Variants in PPM1H observed in about 807,000 individuals in gnomAD.
The protein encoded by PPM1H is protein phosphatase 1H.
PPM1H carries 27 observed loss-of-function variants against 54.9 expected under a neutral mutation model. The ratio of observed to expected loss-of-function variants is 0.49; its 90% CI spans 0.36 to 0.68. The LOEUF (loss-of-function observed/expected upper bound fraction) is 0.68, where lower values mean the gene tolerates loss of function less well. Ranked by LOEUF, PPM1H falls within the 30% of genes least tolerant of loss-of-function variation. PPM1H has a pLI of 0.00. For synonymous variants in PPM1H, 305 were observed against 270.8 expected (o/e 1.13, Z -1.24); for missense variants, 596 against 667.8 (o/e 0.89, Z 1.19).
chr12:62,752,049 G>C (rs2076445278), intron 4 of PPM1H, among the ~76,000 whole-genome samples: 1 of 152,186 alleles, frequency 6.6e-6, no homozygotes, highest in African/African-American at 2.4e-5. Flanking sequence ...AGTTGGGTTT[G>C]GGAGCTGGCT....
At chr12:62,702,526 A>C in intron 6 of PPM1H, among the ~76,000 whole-genome samples, 1 of 141,246 alleles carries the variant, frequency 7.1e-6, no homozygotes, top group African/African-American at 2.8e-5. Context: ...TTCTCTTCTA[A>C]GTCATGACCT....
chr12:62,752,393 G>T (rs2120580085), intron 4 of PPM1H, among the ~76,000 whole-genome samples: 1 of 152,248 alleles, frequency 6.6e-6, no homozygotes, highest in Non-Finnish European at 1.5e-5. Context: ...TAGGCTTTAA[G>T]AATAAAGTGG....
At chr12:62,890,663 G>T (rs1346921179) in intron 1 of PPM1H, among the ~76,000 whole-genome samples, 1 of 149,968 alleles carries the variant, frequency 6.7e-6, no homozygotes, top group Non-Finnish European at 1.5e-5. Flanking sequence ...AGTGATTAAT[G>T]GAGTCAACAC....
At chr12:62,895,498 T>C (rs533917301) in intron 1 of PPM1H, among the ~76,000 whole-genome samples, 46 of 152,260 alleles carry the variant, frequency 3.0e-4, no homozygotes, top group African/African-American at 9.9e-4. Flanking sequence ...AAGCAAATTC[T>C]ACTGCCCTAC....
At chr12:62,676,979 C>T (rs1290223507) in intron 8 of PPM1H, among the ~76,000 whole-genome samples, 1 of 152,168 alleles carries the variant, frequency 6.6e-6, no homozygotes. Context: ...TTCTGGCCCA[C>T]TCATGGCCAC....
chr12:62,789,019 C>T (rs1191664563), intron 3 of PPM1H, among the ~76,000 whole-genome samples: 3 of 150,394 alleles, frequency 2.0e-5, no homozygotes, highest in Non-Finnish European at 3.0e-5. Context: ...AGCCACTGCG[C>T]CCAGCCTTGT....
At chr12:62,680,073 C>T (rs1247419989) in intron 8 of PPM1H, among the ~76,000 whole-genome samples, 1 of 152,188 alleles carries the variant, frequency 6.6e-6, no homozygotes, top group Non-Finnish European at 1.5e-5. Context: ...TCCAATTCCC[C>T]TAACTTCAAA....
In PPM1H at chr12:62,867,564, A is replaced by ATTTTTTTTTTTTTT. The variant is rs34772338; in HGVS notation, c.246-35299_246-35286dup. 9.0e-4 allele frequency among the ~76,000 whole-genome samples: 50 copies of ATTTTTTTTTTTTTT among 55,370 alleles called. 9 individuals carry two copies. The highest frequency in any genetic ancestry group is 2.3e-3 in the African/African-American group (36 of 15,612). The allele number at this position is 55,370 out of a possible 152,430, so 36.3% of individuals were successfully genotyped here. ...TCCTGAAATACATCTTATGAGCACT[A>ATTTTTTTTTTTTTT]TTTTTTTTTTTTTTTTTTTTTTTTT... On this transcript the variant is annotated intron_variant, in intron 1 of 9. Coordinates refer to ENST00000228705, the MANE Select transcript of PPM1H (RefSeq NM_020700.2).
intron 9 of PPM1H, among the ~76,000 whole-genome samples, chr12:62,659,627 A>T (rs182202563): frequency 1.9e-4 from 29 of 152,342 alleles, no homozygotes; most frequent in Admixed American, 1.4e-3. Flanking sequence ...AAACAAAAAG[A>T]AAAGGAACCT....
chr12:62,906,567 A>C (rs1043552631), intron 1 of PPM1H, among the ~76,000 whole-genome samples: 2 of 152,206 alleles, frequency 1.3e-5, no homozygotes, highest in African/African-American at 2.4e-5. Flanking sequence ...ATGAACAAAA[A>C]CCCCTAGAAT....
intron 1 of PPM1H, among the ~76,000 whole-genome samples, chr12:62,893,453 C>A (rs1870871990): frequency 6.6e-6 from 1 of 151,938 alleles, no homozygotes; most frequent in African/African-American, 2.4e-5. Flanking sequence ...CCCACTTGAC[C>A]TCATTTAACC....
intron 6 of PPM1H, among the ~76,000 whole-genome samples, chr12:62,715,811 G>A (rs2076231609): frequency 6.6e-6 from 1 of 152,238 alleles, no homozygotes; most frequent in East Asian, 1.9e-4. Context: ...GAAGTGTGAA[G>A]CATCAGTTTA....
intron 1 of PPM1H, among the ~76,000 whole-genome samples, chr12:62,924,728 G>C (rs150823402): frequency 6.6e-6 from 1 of 152,214 alleles, no homozygotes; most frequent in East Asian, 1.9e-4. Context: ...ACTACAAAAC[G>C]TGAGATTTCA....
intron 6 of PPM1H, among the ~76,000 whole-genome samples, chr12:62,702,300 T>C (rs548547519): frequency 6.6e-6 from 1 of 152,300 alleles, no homozygotes; most frequent in African/African-American, 2.4e-5. Context: ...GAATGGCAGT[T>C]TTTTTGCCAC....
chr12:62,865,656 C>T (rs1280277484), intron 1 of PPM1H, among the ~76,000 whole-genome samples: 1 of 152,098 alleles, frequency 6.6e-6, no homozygotes, highest in African/African-American at 2.4e-5. Context: ...GCCACCACGT[C>T]CTGCTAATTT....
At chr12:62,759,418 A>G (rs996869247) in intron 4 of PPM1H, among the ~76,000 whole-genome samples, 4 of 152,008 alleles carry the variant, frequency 2.6e-5, no homozygotes, top group African/African-American at 9.7e-5. Context: ...TCTCCTTTCA[A>G]TCTTGGCACC....
intron 3 of PPM1H, among the ~76,000 whole-genome samples, chr12:62,797,593 CT>C (rs2076742026): frequency 6.6e-6 from 1 of 152,054 alleles, no homozygotes; most frequent in African/African-American, 2.4e-5. Flanking sequence ...CACCGTGGCG[CT>C]TGTGGGCATT....
intron 6 of PPM1H, among the ~76,000 whole-genome samples, chr12:62,710,485 T>A (rs1035841529): frequency 7.5e-5 from 11 of 145,850 alleles, no homozygotes; most frequent in African/African-American, 2.8e-4. Context: ...TGGGCTGAGA[T>A]CACACCACTG....
At chr12:62,757,072 A>T (rs545367597) in intron 4 of PPM1H, among the ~76,000 whole-genome samples, 133 of 152,172 alleles carry the variant, frequency 8.7e-4, no homozygotes, top group Non-Finnish European at 1.6e-3. Flanking sequence ...GACTCTGCAG[A>T]CAGAAACCCA....
Sources: allele counts gnomAD v4.1 joint callset (sites outside exome capture counted in the v4.1 genomes callset), GRCh38; gene constraint gnomAD v4.1.1; transcripts MANE v1.5; gene names NCBI Gene and HGNC (gene_info 2026-07-23, HGNC 2026-07-21).